Variants in ROCK2 observed in about 807,000 individuals in gnomAD.
ROCK2 encodes the protein rho-associated protein kinase 2.
Under a neutral mutation model 195.1 loss-of-function variants are expected in ROCK2, and 61 were observed. The observed-to-expected ratio is 0.31, with a 90% CI of 0.25 to 0.39. The LOEUF is 0.39. ROCK2 is among the 10% of genes least tolerant of loss of function. The pLI is 1.00. For missense variants in ROCK2, 1,109 were observed against 1,637.4 expected (o/e 0.68, Z 5.57); for synonymous variants, 504 against 545.5 (o/e 0.92, Z 1.06).
At chr2:11,329,905 T>C (rs537189709) in intron 1 of ROCK2, among the ~76,000 whole-genome samples, 40 of 152,352 alleles carry the variant, frequency 2.6e-4, no homozygotes, top group Middle Eastern at 6.8e-3. Context: ...CATATTCCGT[T>C]TAAGCTACAG....
At chr2:11,242,933 G>GC (rs551899698) in intron 4 of ROCK2, among the ~76,000 whole-genome samples, 55 of 152,272 alleles carry the variant, frequency 3.6e-4, no homozygotes, top group African/African-American at 1.2e-3. Context: ...TCTCTCTAGT[G>GC]CTCTCCTTTG....
At chr2:11,186,235 A>G (rs893577964) in intron 32 of ROCK2, among the ~76,000 whole-genome samples, 6 of 152,184 alleles carry the variant, frequency 3.9e-5, no homozygotes, top group Non-Finnish European at 8.8e-5. Flanking sequence ...AGACTTATAT[A>G]TAATGTAACT....
At chr2:11,223,663 G>T (rs1558305517) in intron 7 of ROCK2, among the ~76,000 whole-genome samples, 1 of 152,144 alleles carries the variant, frequency 6.6e-6, no homozygotes, top group Non-Finnish European at 1.5e-5. Context: ...GTTTGAACGA[G>T]GGTGTGAGCA....
chr2:11,297,987 G>T lies in ROCK2; in HGVS notation c.142-10251C>A, dbSNP rs377165782. On this transcript the variant is annotated intron_variant, in intron 1 of 32. Coordinates refer to ENST00000315872, the MANE Select transcript of ROCK2 (RefSeq NM_004850.5). ...ACATAGGTGGGGTGGTGATTAGAAG[G>T]TCAGGATAAGGGGACATTCTGGAAA... Among the ~76,000 whole-genome samples the T allele has an allele frequency of 7.9e-5, 12 of 152,224 alleles. No individual in the cohort carries two copies. The East Asian group carries it at 2.1e-3, about 27-fold the overall frequency.
intron 5 of ROCK2, among the ~76,000 whole-genome samples, chr2:11,230,297 T>C (rs914793791): frequency 1.3e-5 from 2 of 151,938 alleles, no homozygotes; most frequent in African/African-American, 4.8e-5. Flanking sequence ...TGTCAAAAAA[T>C]AAGAAAATGC....
At chr2:11,266,490 C>T (rs1010768117) in intron 3 of ROCK2, among the ~76,000 whole-genome samples, 7 of 152,196 alleles carry the variant, frequency 4.6e-5, no homozygotes, top group Admixed American at 3.9e-4. Flanking sequence ...ACTAAAGTTA[C>T]TTGTACAATG....
chr2:11,190,318 T>TA (rs1251278058), intron 32 of ROCK2, among the ~76,000 whole-genome samples: 57 of 150,988 alleles, frequency 3.8e-4, no homozygotes, highest in African/African-American at 1.3e-3. Context: ...ATGTGTTTTT[T>TA]AAAAAAATCA....
At chr2:11,239,849 C>CAA (rs1193050431) in intron 4 of ROCK2, among the ~76,000 whole-genome samples, 2 of 152,190 alleles carry the variant, frequency 1.3e-5, no homozygotes, top group East Asian at 3.8e-4. Flanking sequence ...TTACTGGCTA[C>CAA]AAATTCAGGG....
intron 3 of ROCK2, among the ~76,000 whole-genome samples, chr2:11,264,682 C>A (rs540782829): frequency 6.6e-6 from 1 of 152,186 alleles, no homozygotes; most frequent in South Asian, 2.1e-4. Context: ...TTTAAAGTCA[C>A]AGGAATGCAT....
chr2:11,212,559 T>C (rs1431775104), intron 17 of ROCK2, among the ~76,000 whole-genome samples: 1 of 152,068 alleles, frequency 6.6e-6, no homozygotes, highest in African/African-American at 2.4e-5. Context: ...CTTTCCCAGC[T>C]GTCCCTTAAA....
chr2:11,185,658 G>A (rs879481021), intron 32 of ROCK2, among the ~76,000 whole-genome samples: 4 of 152,172 alleles, frequency 2.6e-5, no homozygotes, highest in Non-Finnish European at 4.4e-5. Flanking sequence ...GAATCCAGGA[G>A]GCGGAAGTTG....
intron 1 of ROCK2, among the ~76,000 whole-genome samples, chr2:11,294,037 G>C (rs1189561570): frequency 1.3e-5 from 2 of 152,110 alleles, no homozygotes; most frequent in East Asian, 3.9e-4. Context: ...GGCGCCTGTA[G>C]TCCCAGCTAC....
rs1662995814 is a variant in ROCK2, at chr2:11,181,630, A to ATTTTTTT, written c.*1806_*1807insAAAAAAA. On this transcript the variant is annotated 3_prime_UTR_variant, in exon 33 of 33. Coordinates refer to ENST00000315872, the MANE Select transcript of ROCK2 (RefSeq NM_004850.5). The stretch of plus-strand genomic sequence containing the variant: ...ATTTCCTTCATCGAAATATTAGATG[A>ATTTTTTT]CTTTTTTTTTTTTTTTTTTTTGAGA... 4.3e-5 allele frequency: 6 copies of ATTTTTTT among 139,276 alleles called. No individual in the cohort carries two copies. The highest frequency in any genetic ancestry group is 9.5e-5 in the Non-Finnish European group (6 of 63,272). The allele number at this position is 139,276 out of a possible 1,614,324, so 8.6% of individuals were successfully genotyped here.
intron 7 of ROCK2, among the ~76,000 whole-genome samples, chr2:11,223,799 G>C (rs1292022478): frequency 1.3e-5 from 2 of 152,044 alleles, no homozygotes; most frequent in African/African-American, 4.8e-5. Context: ...CTTATCTTTT[G>C]GGGGCAGGTT....
At chr2:11,224,293 T>G (rs1187895763) in intron 7 of ROCK2, 29 bp downstream of exon 7, 1 of 1,570,086 alleles carries the variant, frequency 6.4e-7, no homozygotes, top group Admixed American at 2.0e-5. Context: ...ATAAAGGGCT[T>G]CTCTACAAAG....
At chr2:11,308,403 A>G in intron 1 of ROCK2, 1 of 1,593,456 alleles carries the variant, frequency 6.3e-7, no homozygotes, top group Non-Finnish European at 8.6e-7. Flanking sequence ...GAAGAAGAGA[A>G]TTTGGAATCT....
chr2:11,263,152 T>C (rs925548074), intron 3 of ROCK2, among the ~76,000 whole-genome samples: 1 of 152,168 alleles, frequency 6.6e-6, no homozygotes, highest in Admixed American at 6.6e-5. Context: ...ATGAGTAGCA[T>C]TGGAAAATCA....
At chr2:11,219,703 T>C (rs961602710) in intron 9 of ROCK2, among the ~76,000 whole-genome samples, 4 of 152,016 alleles carry the variant, frequency 2.6e-5, no homozygotes, top group Non-Finnish European at 5.9e-5. Context: ...GGTACAATCA[T>C]AGCTCCCTGC....
chr2:11,326,788 T>C (rs1284816601), intron 1 of ROCK2, among the ~76,000 whole-genome samples: 1 of 152,054 alleles, frequency 6.6e-6, no homozygotes, highest in African/African-American at 2.4e-5. Context: ...TGAGGAAACA[T>C]CTCATCCACT....
Sources: gnomAD v4.1 joint callset for allele counts (sites outside exome capture counted in the v4.1 genomes callset) on GRCh38, gnomAD v4.1.1 for gene constraint, MANE v1.5 for transcripts, NCBI Gene and HGNC (gene_info 2026-07-23, HGNC 2026-07-21) for gene names.